The following DAPK1 variants were observed in gnomAD, a reference collection of about 807,000 sequenced individuals.
DAPK1 encodes the protein death-associated protein kinase 1.
DAPK1 carries 56 observed loss-of-function variants against 144.9 expected under a neutral mutation model. The ratio of observed to expected loss-of-function variants is 0.39; its 90% CI spans 0.31 to 0.48. The LOEUF is 0.48. Ranked by LOEUF, DAPK1 falls within the 20% of genes least tolerant of loss-of-function variation. DAPK1 has a pLI of 0.95. For synonymous variants in DAPK1, 690 were observed against 749.0 expected (o/e 0.92, Z 1.29); for missense variants, 1,454 against 1,875.4 (o/e 0.78, Z 4.15).
upstream of DAPK1, chr9:87,497,784 G>T: frequency 2.8e-6 from 1 of 353,706 alleles, no homozygotes; most frequent in East Asian, 4.2e-5. Context: ...TGGGTGGGCC[G>T]CGCCGCCAGC....
chr9:87,582,127 C>A (rs993652060), intron 2 of DAPK1, among the ~76,000 whole-genome samples: 1 of 151,888 alleles, frequency 6.6e-6, no homozygotes, highest in African/African-American at 2.4e-5. Context: ...GAGCCTTCTC[C>A]TCCGGTCTTT....
chr9:87,558,596 A>G (rs1228961074), intron 2 of DAPK1, among the ~76,000 whole-genome samples: 7 of 152,268 alleles, frequency 4.6e-5, no homozygotes, highest in Admixed American at 1.3e-4. Flanking sequence ...AAAACGAACA[A>G]TTCCTCGATA....
intron 21 of DAPK1, among the ~76,000 whole-genome samples, chr9:87,687,748 T>C (rs978965076): frequency 6.6e-6 from 1 of 152,220 alleles, no homozygotes; most frequent in African/African-American, 2.4e-5. Flanking sequence ...TACTAATTTA[T>C]ATTTCTACCA....
At chr9:87,704,186 T>C (rs954489613) in intron 25 of DAPK1, among the ~76,000 whole-genome samples, 1 of 152,178 alleles carries the variant, frequency 6.6e-6, no homozygotes, top group East Asian at 1.9e-4. Context: ...AGGAATACTT[T>C]AAAGTGATTG....
intron 2 of DAPK1, among the ~76,000 whole-genome samples, chr9:87,590,386 GA>G (rs938457481): frequency 1.1e-4 from 15 of 135,938 alleles, no homozygotes; most frequent in African/African-American, 4.2e-4. Flanking sequence ...AAAAAAAAAA[GA>G]AAAGAAAAGA....
intron 25 of DAPK1, among the ~76,000 whole-genome samples, chr9:87,705,656 G>A (rs36220117): frequency 0.017 from 2,612 of 152,122 alleles, 152 homozygotes; most frequent in Admixed American, 0.12. Flanking sequence ...TATCTCCTAA[G>A]GAGAAGGATA....
intron 3 of DAPK1, among the ~76,000 whole-genome samples, chr9:87,626,426 A>G (rs756440411): frequency 4.0e-4 from 52 of 130,244 alleles, no homozygotes; most frequent in Non-Finnish European, 6.7e-4. Flanking sequence ...TTTAAAAAAC[A>G]AACAAACAAA....
chr9:87,701,383 A>G (rs1283840090), intron 24 of DAPK1, among the ~76,000 whole-genome samples: 1 of 152,242 alleles, frequency 6.6e-6, no homozygotes, highest in Non-Finnish European at 1.5e-5. Flanking sequence ...GGACTGAGGG[A>G]ACCTGTTAAA....
chr9:87,651,417 AGTGATCTTG>A, intron 16 of DAPK1, 101 bp from the exon 17 acceptor site: 1 of 1,029,774 alleles, frequency 9.7e-7, no homozygotes, highest in East Asian at 2.4e-5. Flanking sequence ...GGCTTTTAGT[AGTGATCTTG>A]TTGCCAATTA....
intron 2 of DAPK1, among the ~76,000 whole-genome samples, chr9:87,502,261 C>T (rs555980726): frequency 6.6e-6 from 1 of 152,112 alleles, no homozygotes; most frequent in South Asian, 2.1e-4. Flanking sequence ...CAAGCAGAAG[C>T]AAGTCCCTGC....
At position 87,704,218 on chromosome 9, in the gene DAPK1, G is replaced by T. The variant is rs184010993; in HGVS notation, c.3060+1001G>T. On this transcript the variant is annotated intron_variant, in intron 25 of 25. Transcript: ENST00000408954. ...ATTGAATCCAAGGAAGAACACAGGT[G>T]AAGGACCACATCTTAGATGACAAGA... 3.9e-5 allele frequency among the ~76,000 whole-genome samples: 6 copies of T among 152,312 alleles called. No homozygotes were observed. The East Asian group carries it at 1.2e-3, about 29-fold the overall frequency.
chr9:87,566,209 G>A (rs1234267416), intron 2 of DAPK1, among the ~76,000 whole-genome samples: 1 of 151,956 alleles, frequency 6.6e-6, no homozygotes, highest in Non-Finnish European at 1.5e-5. Context: ...TTTTAGTAGA[G>A]ATGGGGTTTC....
At chr9:87,572,400 C>A (rs2118757347) in intron 2 of DAPK1, among the ~76,000 whole-genome samples, 1 of 152,278 alleles carries the variant, frequency 6.6e-6, no homozygotes, top group South Asian at 2.1e-4. Context: ...GCTTATGAGT[C>A]ACCTGAGGAT....
chr9:87,648,950 C>A, intron 15 of DAPK1, 71 bp downstream of exon 15: 1 of 1,353,234 alleles, frequency 7.4e-7, no homozygotes, highest in Non-Finnish European at 1.1e-6. Context: ...ATGGTACAGT[C>A]GGGGCCTTTA....
At chr9:87,636,105 A>G (rs1829885749) in intron 3 of DAPK1, among the ~76,000 whole-genome samples, 1 of 152,132 alleles carries the variant, frequency 6.6e-6, no homozygotes, top group Non-Finnish European at 1.5e-5. Flanking sequence ...TGTGAGGCCA[A>G]GGACACCTGG....
chr9:87,585,896 C>G (rs887429164), intron 2 of DAPK1, among the ~76,000 whole-genome samples: 1 of 152,168 alleles, frequency 6.6e-6, no homozygotes, highest in Non-Finnish European at 1.5e-5. Flanking sequence ...TTATTGACTA[C>G]ATGCTTAAAT....
chr9:87,605,044 C>G lies in DAPK1; in HGVS notation c.153C>G (p.Ser51=). Reference sequence around the variant, plus strand: ...TCATCAAGAAAAGGAGGACTAAGTCCAGCCGGCGGGGTGTGAGCCGCGAGG... The same window carrying G: ...TCATCAAGAAAAGGAGGACTAAGTCGAGCCGGCGGGGTGTGAGCCGCGAGG... ...AKFIKKRRTK[S]SRRGVSREDI... Residue 51 remains serine, a synonymous_variant, in exon 3 of 26, where the codon TCC becomes TCG. Coordinates refer to ENST00000408954, the MANE Select transcript of DAPK1 (RefSeq NM_004938.4). 6.2e-7 allele frequency: 1 copy of G among 1,614,212 alleles called. No homozygotes were observed. Among genetic ancestry groups the G allele is most frequent in the Non-Finnish European group, 8.5e-7 (1 of 1,180,048 alleles).
At chr9:87,663,722 G>GC (rs1440921287) in intron 18 of DAPK1, among the ~76,000 whole-genome samples, 1 of 151,970 alleles carries the variant, frequency 6.6e-6, no homozygotes, top group Non-Finnish European at 1.5e-5. Context: ...GTCCCTGCTT[G>GC]CCCCTGAGTG....
chr9:87,656,205 G>T (rs1344048505), intron 17 of DAPK1, among the ~76,000 whole-genome samples: 2 of 152,312 alleles, frequency 1.3e-5, no homozygotes, highest in Non-Finnish European at 1.5e-5. Flanking sequence ...TCTGCCGTGG[G>T]CTGTCGCTGA....
Sources: gnomAD v4.1 joint callset for allele counts (sites outside exome capture counted in the v4.1 genomes callset) on GRCh38, gnomAD v4.1.1 for gene constraint, MANE v1.5 for transcripts, NCBI Gene and HGNC (gene_info 2026-07-23, HGNC 2026-07-21) for gene names.